Variants in SH3GL2 observed in about 807,000 individuals in gnomAD.
SH3GL2 encodes the protein endophilin-A1.
In SH3GL2, 24 loss-of-function variants were observed where a neutral mutation model predicts 46.0. The observed-to-expected ratio is 0.52, with a 90% CI of 0.38 to 0.73. The LOEUF (loss-of-function observed/expected upper bound fraction) is 0.73. Among genes scored for constraint, SH3GL2 ranks in the 30% least tolerant of loss-of-function variants. The pLI, the probability that SH3GL2 is intolerant of heterozygous loss-of-function variation, is 0.00. For synonymous variants in SH3GL2, 196 were observed against 147.1 expected (o/e 1.33, Z -2.40); for missense variants, 413 against 424.2 (o/e 0.97, Z 0.23).
intron 1 of SH3GL2, among the ~76,000 whole-genome samples, chr9:17,699,772 A>G (rs149217469): frequency 6.6e-6 from 1 of 152,350 alleles, no homozygotes; most frequent in Non-Finnish European, 1.5e-5. Flanking sequence ...TATATCATTG[A>G]TGGCATGTGC....
chr9:17,698,040 A>G (rs1821252129), intron 1 of SH3GL2, among the ~76,000 whole-genome samples: 1 of 152,140 alleles, frequency 6.6e-6, no homozygotes. Flanking sequence ...CTAGTCTTTT[A>G]GGATTTTGGT....
At chr9:17,623,139 A>C (rs1819195902) in intron 1 of SH3GL2, among the ~76,000 whole-genome samples, 1 of 141,172 alleles carries the variant, frequency 7.1e-6, no homozygotes. Flanking sequence ...TGGAAGGGTG[A>C]AATAAAGCCC....
intron 1 of SH3GL2, among the ~76,000 whole-genome samples, chr9:17,685,499 C>T (rs1036916230): frequency 2.6e-5 from 4 of 152,052 alleles, no homozygotes; most frequent in Admixed American, 2.0e-4. Flanking sequence ...GCCAGGTTGA[C>T]ATATAAAACT....
chr9:17,789,477 G>A lies in SH3GL2; in HGVS notation c.551G>A (p.Arg184His), dbSNP rs781631698. The A allele has an allele frequency of 4.3e-6, 7 of 1,612,528 alleles. No homozygotes were observed. The highest frequency in any genetic ancestry group is 3.3e-5 in the Admixed American group (2 of 59,938). ...RQGKIPDEEL[R>H]QALEKFDESK... is the part of the protein sequence containing the mutation. ...GGCAAGATTCCGGATGAAGAGCTTC[G>A]TCAAGCTCTAGAGAAATTTGATGAG... The change falls in exon 6 of 9, where the codon CGT becomes CAT. Residue 184 changes from arginine (R) to histidine (H), a missense_variant. Physicochemically the swap from Arg to His is conservative, Grantham distance 29 (BLOSUM62 0). Around this residue, in one of 3 missense-constraint regions of SH3GL2, gnomAD observed 248 missense variants for 215.0 expected, o/e 1.15. Coordinates refer to ENST00000380607, the MANE Select transcript of SH3GL2 (RefSeq NM_003026.5).
intron 1 of SH3GL2, among the ~76,000 whole-genome samples, chr9:17,624,882 TTTC>T (rs1261937043): frequency 6.6e-6 from 1 of 152,204 alleles, no homozygotes; most frequent in Non-Finnish European, 1.5e-5. Flanking sequence ...GAACTATCCA[TTTC>T]TTGGTAGATG....
chr9:17,668,870 C>G (rs1384350633), intron 1 of SH3GL2, among the ~76,000 whole-genome samples: 1 of 152,086 alleles, frequency 6.6e-6, no homozygotes, highest in Admixed American at 6.5e-5. Context: ...GTTGCCTAGG[C>G]TGGTCTCAAA....
intron 1 of SH3GL2, among the ~76,000 whole-genome samples, chr9:17,720,298 TAAAAG>T (rs1395518583): frequency 1.3e-5 from 2 of 152,094 alleles, no homozygotes; most frequent in Non-Finnish European, 2.9e-5. Flanking sequence ...CTTAGATTGT[TAAAAG>T]AAAAACCTTA....
intron 8 of SH3GL2, 83 bp downstream of exon 8, chr9:17,793,580 A>G (rs1008362544): frequency 2.7e-5 from 36 of 1,337,866 alleles, no homozygotes; most frequent in African/African-American, 4.4e-5. Flanking sequence ...GAATAGTCCA[A>G]TCTGGCTGCA....
rs146264248 is a variant in SH3GL2, at chr9:17,794,332, T to C, written c.859+835T>C. On this transcript the variant is annotated intron_variant, in intron 8 of 8. Transcript: ENST00000380607. ...TTTTTCCTGTATCCCCAGTGCTTGA[T>C]GTTCTACTGTAGAAAACTTTTTATA... 1.9e-3 allele frequency among the ~76,000 whole-genome samples: 294 copies of C among 152,308 alleles called. 3 individuals are homozygous for C. The highest frequency in any genetic ancestry group is 7.0e-3 in the African/African-American group (290 of 41,578).
Position 17,795,641 on chromosome 9 carries a change from C to A in SH3GL2, c.957C>A (p.Leu319=). ...TTAAAGAGGGCGATATCATCACACT[C>A]ACTAACCAAATTGATGAGAACTGGT... ...LGFKEGDIIT[L]TNQIDENWYE... is the part of the protein sequence containing the mutation. Residue 319 remains leucine, a synonymous_variant, in exon 9 of 9, where the codon CTC becomes CTA. Transcript: ENST00000380607. 1 of 1,613,876 alleles carries A rather than the reference C, an allele frequency of 6.2e-7. No individual in the cohort carries two copies. The highest frequency in any genetic ancestry group is 1.1e-5 in the South Asian group (1 of 91,064).
At chr9:17,612,383 A>G (rs1004654812) in intron 1 of SH3GL2, among the ~76,000 whole-genome samples, 1 of 152,126 alleles carries the variant, frequency 6.6e-6, no homozygotes, top group Admixed American at 6.5e-5. Flanking sequence ...TAACCTTACC[A>G]CATCTGGAAA....
intron 1 of SH3GL2, among the ~76,000 whole-genome samples, chr9:17,706,090 CTAATG>C (rs1441851574): frequency 2.0e-5 from 3 of 151,898 alleles, no homozygotes; most frequent in African/African-American, 7.3e-5. Flanking sequence ...GTCGATATAT[CTAATG>C]TAAGAGATCA....
At position 17,768,370 on chromosome 9, in the gene SH3GL2, C is replaced by CAA. The variant is rs34891273; in HGVS notation, c.187+6881_187+6882dup. 4.8e-3 allele frequency among the ~76,000 whole-genome samples: 320 copies of CAA among 66,426 alleles called. 2 individuals carry two copies. Among genetic ancestry groups the CAA allele is most frequent in the South Asian group, 0.036 (65 of 1,804 alleles). 43.6% of individuals were successfully genotyped at this position (66,426 alleles called of 152,430 possible). The stretch of plus-strand genomic sequence containing the variant: ...TGGGCGACAGAGCGGGACTCTGTCT[C>CAA]AAAAAAAAAAAAAAAAAAAAACACC... On this transcript the variant is annotated intron_variant, in intron 3 of 8. Transcript: ENST00000380607.
intron 1 of SH3GL2, among the ~76,000 whole-genome samples, chr9:17,607,124 G>A (rs1026911646): frequency 6.6e-6 from 1 of 152,104 alleles, no homozygotes; most frequent in African/African-American, 2.4e-5. Context: ...GGTAACAATG[G>A]GATATATTCT....
intron 1 of SH3GL2, among the ~76,000 whole-genome samples, chr9:17,656,410 A>T (rs28670332): frequency 0.013 from 2,042 of 151,992 alleles, 59 homozygotes; most frequent in African/African-American, 0.046. Flanking sequence ...TTTTTACTGG[A>T]GACGAGAGTT....
intron 1 of SH3GL2, among the ~76,000 whole-genome samples, chr9:17,704,980 A>C (rs1309338278): frequency 1.3e-5 from 2 of 152,094 alleles, no homozygotes; most frequent in African/African-American, 4.8e-5. Context: ...GAATGGGAGA[A>C]AATATTTGCA....
chr9:17,712,223 A>T (rs1345920006), intron 1 of SH3GL2, among the ~76,000 whole-genome samples: 3 of 151,814 alleles, frequency 2.0e-5, no homozygotes. Context: ...ATTCTTTATC[A>T]TAGATATGCT....
At chr9:17,609,304 G>A (rs2145659) in intron 1 of SH3GL2, among the ~76,000 whole-genome samples, 116,047 of 151,858 alleles carry the variant, frequency 0.76, 45,361 homozygotes, top group Middle Eastern at 0.84. Flanking sequence ...ATATTTTGCA[G>A]AGAAAGTTTG....
At chr9:17,708,238 C>G (rs1215740277) in intron 1 of SH3GL2, among the ~76,000 whole-genome samples, 1 of 151,952 alleles carries the variant, frequency 6.6e-6, no homozygotes, top group Non-Finnish European at 1.5e-5. Flanking sequence ...TGTCCCCACT[C>G]CTTTCATTTT....
Sources: gnomAD v4.1 joint callset for allele counts (sites outside exome capture counted in the v4.1 genomes callset) on GRCh38, gnomAD v4.1.1 for gene constraint, gnomAD v4.1.1 regional missense constraint, MANE v1.5 for transcripts, NCBI Gene and HGNC (gene_info 2026-07-23, HGNC 2026-07-21) for gene names.